The following SGMS1 variants were observed in gnomAD, a reference collection of about 807,000 sequenced individuals.
SGMS1 encodes phosphatidylcholine:ceramide cholinephosphotransferase 1.
A neutral mutation model predicts 46.2 loss-of-function variants in SGMS1; 13 were observed. That is an observed-to-expected ratio of 0.28 (90% confidence interval 0.18 to 0.45). SGMS1 has a LOEUF of 0.45. Among genes scored for constraint, SGMS1 ranks in the 20% least tolerant of loss-of-function variants. The pLI is 1.00. For synonymous variants in SGMS1, 203 were observed against 187.8 expected (o/e 1.08, Z -0.66); for missense variants, 324 against 519.9 (o/e 0.62, Z 3.66).
At chr10:50,503,623 G>A (rs1359029707) in intron 3 of SGMS1, among the ~76,000 whole-genome samples, 4 of 152,070 alleles carry the variant, frequency 2.6e-5, no homozygotes, top group East Asian at 1.9e-4. Flanking sequence ...GACTCAGCCC[G>A]CCTGCACCCA....
intron 1 of SGMS1, among the ~76,000 whole-genome samples, chr10:50,618,284 T>C (rs9919407): frequency 0.039 from 5,934 of 152,286 alleles, 394 homozygotes; most frequent in African/African-American, 0.13. Flanking sequence ...AGAATATCTT[T>C]GTAATCTTGG....
At chr10:50,471,893 C>T (rs982912377) in intron 3 of SGMS1, among the ~76,000 whole-genome samples, 1 of 152,160 alleles carries the variant, frequency 6.6e-6, no homozygotes, top group Admixed American at 6.5e-5. Context: ...ATTATTTAAT[C>T]CTAGCTTCTT....
rs527340283 is a variant in SGMS1 at position 50,402,571 on chromosome 10, G to A, written c.-232+30905C>T. 1.3e-4 allele frequency among the ~76,000 whole-genome samples: 20 copies of A among 152,248 alleles called. 1 individual carries two copies. The South Asian group carries it at 4.1e-3, about 32-fold the overall frequency. ...AAAGACTTTCCATATGTATGAATAAGTATATAGATTATTTGAATTGTGAGG... is the reference window on the plus strand; with the variant it reads ...AAAGACTTTCCATATGTATGAATAAATATATAGATTATTTGAATTGTGAGG... On this transcript the variant is annotated intron_variant, in intron 6 of 10. Coordinates refer to ENST00000361781, the MANE Select transcript of SGMS1 (RefSeq NM_147156.4).
chr10:50,591,924 G>A (rs1006468063), intron 1 of SGMS1, among the ~76,000 whole-genome samples: 3 of 152,132 alleles, frequency 2.0e-5, no homozygotes, highest in African/African-American at 7.2e-5. Flanking sequence ...TGACTAACAC[G>A]CGAAGTACTG....
intron 3 of SGMS1, among the ~76,000 whole-genome samples, chr10:50,483,457 T>C (rs1837494429): frequency 6.6e-6 from 1 of 152,070 alleles, no homozygotes; most frequent in South Asian, 2.1e-4. Flanking sequence ...ACTTTAACAC[T>C]CCACTGTCAA....
intron 3 of SGMS1, among the ~76,000 whole-genome samples, chr10:50,516,673 T>C (rs920062521): frequency 2.0e-5 from 3 of 152,174 alleles, no homozygotes; most frequent in Non-Finnish European, 4.4e-5. Context: ...TTCTTTATCC[T>C]TAGGTGAAAT....
At chr10:50,396,058 G>T (rs1325044573) in intron 6 of SGMS1, among the ~76,000 whole-genome samples, 2 of 152,136 alleles carry the variant, frequency 1.3e-5, no homozygotes, top group Non-Finnish European at 2.9e-5. Flanking sequence ...ACTAAACCAA[G>T]GTCTGGACCC....
At chr10:50,398,647 C>T (rs963801029) in intron 6 of SGMS1, among the ~76,000 whole-genome samples, 33 of 152,074 alleles carry the variant, frequency 2.2e-4, no homozygotes, top group African/African-American at 7.7e-4. Context: ...ATTCAGTTCT[C>T]AATCAAACCA....
At chr10:50,352,454 T>G (rs1219066145) in intron 6 of SGMS1, among the ~76,000 whole-genome samples, 2 of 152,184 alleles carry the variant, frequency 1.3e-5, no homozygotes, top group Non-Finnish European at 2.9e-5. Flanking sequence ...CCCAAATTAC[T>G]AGACATTTTT....
At chr10:50,311,808 T>C (rs1847258253) in intron 8 of SGMS1, among the ~76,000 whole-genome samples, 1 of 152,246 alleles carries the variant, frequency 6.6e-6, no homozygotes, top group South Asian at 2.1e-4. Flanking sequence ...TAAAGATGTA[T>C]TTTTATCATG....
chr10:50,314,423 C>T (rs1326034941), intron 8 of SGMS1, among the ~76,000 whole-genome samples: 1 of 152,082 alleles, frequency 6.6e-6, no homozygotes, highest in African/African-American at 2.4e-5. Context: ...ACAGCTGAAC[C>T]ATTCTAAGCC....
At chr10:50,393,930 T>C (rs1241119438) in intron 6 of SGMS1, among the ~76,000 whole-genome samples, 1 of 152,190 alleles carries the variant, frequency 6.6e-6, no homozygotes, top group Admixed American at 6.5e-5. Flanking sequence ...TCAGTTTATC[T>C]TCCTAGGACA....
chr10:50,452,339 G>T (rs928591175), intron 5 of SGMS1, among the ~76,000 whole-genome samples: 2 of 152,096 alleles, frequency 1.3e-5, no homozygotes, highest in African/African-American at 4.8e-5. Flanking sequence ...ATTAAAAGAG[G>T]AGACTGCGCT....
At chr10:50,460,414 C>T (rs1588839367) in intron 5 of SGMS1, among the ~76,000 whole-genome samples, 1 of 152,174 alleles carries the variant, frequency 6.6e-6, no homozygotes, top group Non-Finnish European at 1.5e-5. Context: ...TTTCATGTGA[C>T]AAGAGTCTAA....
intron 2 of SGMS1, among the ~76,000 whole-genome samples, chr10:50,570,690 T>G (rs1838329515): frequency 6.6e-6 from 1 of 152,194 alleles, no homozygotes; most frequent in Non-Finnish European, 1.5e-5. Flanking sequence ...ATCTGAGCAC[T>G]TTTGGAGCCC....
intron 7 of SGMS1, among the ~76,000 whole-genome samples, chr10:50,331,338 A>C (rs1050865771): frequency 2.6e-5 from 4 of 152,224 alleles, no homozygotes; most frequent in African/African-American, 9.6e-5. Context: ...AATATAAACA[A>C]AACAAAAATA....
At chr10:50,368,811 A>G (rs1272766813) in intron 6 of SGMS1, among the ~76,000 whole-genome samples, 2 of 152,262 alleles carry the variant, frequency 1.3e-5, no homozygotes, top group African/African-American at 4.8e-5. Context: ...GGCATTATAA[A>G]ACAATTTGTA....
chr10:50,409,975 G>C (rs1401748469), intron 6 of SGMS1, among the ~76,000 whole-genome samples: 1 of 152,116 alleles, frequency 6.6e-6, no homozygotes, highest in Non-Finnish European at 1.5e-5. Flanking sequence ...GTGAAATTTT[G>C]TCTATGAACT....
chr10:50,517,763 T>C (rs1197757330), intron 3 of SGMS1, among the ~76,000 whole-genome samples: 1 of 151,356 alleles, frequency 6.6e-6, no homozygotes, highest in East Asian at 1.9e-4. Flanking sequence ...CAAAGACAAA[T>C]AAACAAACTT....
Sources: gnomAD v4.1 joint callset for allele counts (sites outside exome capture counted in the v4.1 genomes callset) on GRCh38, gnomAD v4.1.1 for gene constraint, MANE v1.5 for transcripts, NCBI Gene and HGNC (gene_info 2026-07-23, HGNC 2026-07-21) for gene names.